Variants in DGKB observed in about 807,000 individuals in gnomAD.
The protein encoded by DGKB is 90 kDa diacylglycerol kinase.
A neutral mutation model predicts 114.3 loss-of-function variants in DGKB; 67 were observed. The ratio of observed to expected loss-of-function variants is 0.59; its 90% CI spans 0.48 to 0.72. The LOEUF is 0.72. Among genes scored for constraint, DGKB ranks in the 30% least tolerant of loss-of-function variants. The probability of loss-of-function intolerance (pLI) is 0.00; values close to 1 mark genes in which losing one functional copy is unlikely to be tolerated. For synonymous variants in DGKB, 398 were observed against 323.1 expected, an observed-to-expected ratio of 1.23 and a Z score of -2.49; for missense variants, 907 against 975.2, an observed-to-expected ratio of 0.93 and a Z score of 0.93.
At chr7:14,446,721 CA>C (rs1287533339) in intron 21 of DGKB, among the ~76,000 whole-genome samples, 1 of 151,980 alleles carries the variant, frequency 6.6e-6, no homozygotes, top group Admixed American at 6.6e-5. Flanking sequence ...AGGGTTCTGT[CA>C]AAAAGACTTT....
At chr7:14,972,738 T>C (rs532384670) in intron 1 of DGKB, among the ~76,000 whole-genome samples, 18 of 151,818 alleles carry the variant, frequency 1.2e-4, no homozygotes, top group African/African-American at 3.9e-4. Context: ...TCTTAGGAAA[T>C]TGGATTCTAA....
intron 9 of DGKB, among the ~76,000 whole-genome samples, chr7:14,691,798 A>C (rs1156842540): frequency 2.6e-5 from 4 of 151,854 alleles, no homozygotes; most frequent in African/African-American, 9.7e-5. Flanking sequence ...CTTGAGATTA[A>C]ATAAGGTGCC....
chr7:14,160,689 C>G (rs986925871), intron 25 of DGKB, among the ~76,000 whole-genome samples: 1 of 152,188 alleles, frequency 6.6e-6, no homozygotes, highest in African/African-American at 2.4e-5. Flanking sequence ...AATGGCCATA[C>G]TGCCTAAAGT....
rs545123612 is a variant in DGKB, at chr7:14,419,951, G to A, written c.1835+58210C>T. 2.6e-5 allele frequency among the ~76,000 whole-genome samples: 4 copies of A among 152,118 alleles called. No homozygotes were observed. In the South Asian group the frequency reaches 6.2e-4, roughly 24 times the overall value. ...GCTGGTATTTGGGACATGGAAGAGCGACATCTAATTTCTTAAATAATGTCA... is the reference window on the plus strand; with the variant it reads ...GCTGGTATTTGGGACATGGAAGAGCAACATCTAATTTCTTAAATAATGTCA... On this transcript the variant is annotated intron_variant, in intron 21 of 25. Transcript: ENST00000402815.
At position 14,607,490 on chromosome 7, in the gene DGKB, C is replaced by T; in HGVS notation, c.1377G>A (p.Gln459=). 6.4e-7 allele frequency: 1 copy of T among 1,567,850 alleles called. No individual in the cohort carries two copies. The highest frequency in any genetic ancestry group is 1.1e-5 in the South Asian group (1 of 88,938). The change falls in exon 17 of 26, where the codon CAG becomes CAA. Residue 459 remains glutamine, a synonymous_variant. Transcript: ENST00000402815. The stretch of plus-strand genomic sequence containing the variant: ...AAACCTGACGAGGATTTAATAGATA[C>T]TGGAATTTTCTGTAAATTCTATAAA... The part of the protein sequence containing the change: ...KQGERIYRKF[Q]YLLNPRQVYS...
chr7:14,152,414 G>A (rs549509783), intron 25 of DGKB, among the ~76,000 whole-genome samples: 3 of 152,130 alleles, frequency 2.0e-5, no homozygotes, highest in African/African-American at 7.2e-5. Flanking sequence ...CAGTGGTGAC[G>A]GGGCTCCTAG....
At chr7:14,924,830 A>G (rs1784673824) in intron 1 of DGKB, among the ~76,000 whole-genome samples, 1 of 152,162 alleles carries the variant, frequency 6.6e-6, no homozygotes, top group Non-Finnish European at 1.5e-5. Flanking sequence ...AGCTCCTCTC[A>G]TGGGAAACTT....
At chr7:14,682,987 C>T (rs963005772) in intron 10 of DGKB, 146 bp from the exon 11 acceptor site, 28 of 636,366 alleles carry the variant, frequency 4.4e-5, no homozygotes, top group South Asian at 3.7e-4. Context: ...AAGTCCAAGT[C>T]GACTGTTTTT....
chr7:14,372,606 T>C (rs1817841042), intron 21 of DGKB, among the ~76,000 whole-genome samples: 2 of 152,138 alleles, frequency 1.3e-5, no homozygotes, highest in Non-Finnish European at 2.9e-5. Flanking sequence ...TTTATCATTA[T>C]GAGAGATGTG....
chr7:14,759,902 A>T (rs1051614873), intron 2 of DGKB, among the ~76,000 whole-genome samples: 1 of 152,168 alleles, frequency 6.6e-6, no homozygotes, highest in Admixed American at 6.5e-5. Flanking sequence ...CAGTCTCTCT[A>T]TATCCTTGCC....
chr7:14,169,445 G>T (rs947675369), intron 25 of DGKB, among the ~76,000 whole-genome samples: 3 of 151,838 alleles, frequency 2.0e-5, no homozygotes, highest in African/African-American at 7.3e-5. Context: ...GAGGTAGCCT[G>T]CCTGGAGACC....
chr7:14,292,965 CA>C (rs1420841000), intron 23 of DGKB, among the ~76,000 whole-genome samples: 1 of 151,938 alleles, frequency 6.6e-6, no homozygotes, highest in African/African-American at 2.4e-5. Context: ...TCTGGATGGC[CA>C]ATTCAGAGAC....
intron 8 of DGKB, among the ~76,000 whole-genome samples, chr7:14,696,586 C>T (rs2129001095): frequency 6.8e-6 from 1 of 147,158 alleles, no homozygotes; most frequent in East Asian, 2.0e-4. Flanking sequence ...TAATAACAAG[C>T]TGGCTTGATT....
At chr7:14,784,236 C>T (rs1031059049) in intron 2 of DGKB, among the ~76,000 whole-genome samples, 2 of 151,742 alleles carry the variant, frequency 1.3e-5, no homozygotes, top group Admixed American at 6.6e-5. Context: ...TGTGTTCTAT[C>T]GTCTAAGCTT....
chr7:14,605,273 C>A (rs1488489801), intron 17 of DGKB, among the ~76,000 whole-genome samples: 1 of 151,278 alleles, frequency 6.6e-6, no homozygotes, highest in Non-Finnish European at 1.5e-5. Flanking sequence ...CTTTAGAGTG[C>A]AGAAAGCAAG....
intron 23 of DGKB, among the ~76,000 whole-genome samples, chr7:14,188,659 C>CAAAAAAAAAAA (rs35808078): frequency 2.9e-5 from 1 of 34,088 alleles, no homozygotes; most frequent in African/African-American, 9.0e-5. Flanking sequence ...GACTCCGTCT[C>CAAAAAAAAAAA]AAAAAAAAAA....
intron 4 of DGKB, among the ~76,000 whole-genome samples, chr7:14,740,183 T>G (rs1426063903): frequency 1.3e-5 from 2 of 151,594 alleles, no homozygotes; most frequent in East Asian, 3.9e-4. Flanking sequence ...TCTCTCTGTT[T>G]GCATAAGAAC....
intron 13 of DGKB, among the ~76,000 whole-genome samples, chr7:14,641,165 A>C (rs1811707872): frequency 6.6e-6 from 1 of 152,194 alleles, no homozygotes; most frequent in South Asian, 2.1e-4. Flanking sequence ...CATTTTAAAA[A>C]TATTTTCCAA....
chr7:14,442,057 G>A (rs1029953438), intron 21 of DGKB, among the ~76,000 whole-genome samples: 9 of 151,932 alleles, frequency 5.9e-5, no homozygotes, highest in African/African-American at 2.2e-4. Flanking sequence ...CATAAAATGA[G>A]TGGGAAACAG....
Sources: allele counts gnomAD v4.1 joint callset (sites outside exome capture counted in the v4.1 genomes callset), GRCh38; gene constraint gnomAD v4.1.1; transcripts MANE v1.5; gene names NCBI Gene and HGNC (gene_info 2026-07-23, HGNC 2026-07-21).